Variants in LMO7 observed in about 807,000 individuals in gnomAD.
LMO7 encodes LIM domain only protein 7.
LMO7 carries 120 observed loss-of-function variants against 206.5 expected under a neutral mutation model. The ratio of observed to expected loss-of-function variants is 0.58; its 90% CI spans 0.50 to 0.68. The LOEUF (loss-of-function observed/expected upper bound fraction) is 0.68, where lower values mean the gene tolerates loss of function less well. Among genes scored for constraint, LMO7 ranks in the 30% least tolerant of loss-of-function variants. LMO7 has a pLI of 0.00. For synonymous variants in LMO7, 706 were observed against 681.5 expected (o/e 1.04, Z -0.56); for missense variants, 1,959 against 1,957.9 (o/e 1.00, Z -0.01).
intron 1 of LMO7, among the ~76,000 whole-genome samples, chr13:75,695,432 C>G (rs760741476): frequency 1.3e-5 from 2 of 152,214 alleles, no homozygotes; most frequent in African/African-American, 4.8e-5. Flanking sequence ...CTGCAACCTC[C>G]GCCTCCCGGG....
chr13:75,722,026 C>CCTCAT (rs2138420055), intron 2 of LMO7, among the ~76,000 whole-genome samples: 1 of 152,254 alleles, frequency 6.6e-6, no homozygotes, highest in African/African-American at 2.4e-5. Context: ...GAAACTGGAT[C>CCTCAT]CTCATCTCTC....
At chr13:75,632,986 C>T (rs1207271270), upstream of LMO7, among the ~76,000 whole-genome samples, 4 of 151,198 alleles carry the variant, frequency 2.6e-5, no homozygotes, top group African/African-American at 7.3e-5. Context: ...CTCAGCCTCC[C>T]AAGTAGCTAG....
At position 75,745,243 on chromosome 13, in the gene LMO7, A is replaced by G. The variant is rs138506681; in HGVS notation, c.211-15689A>G. On this transcript the variant is annotated intron_variant, in intron 3 of 30. Coordinates refer to ENST00000377534, the MANE Select transcript of LMO7 (RefSeq NM_001306080.2). ...AAGAAGTAGTCAAGTGAGGCTGTTA[A>G]GGCATCATGGGCTTTGTTGGGTAGG... Among the ~76,000 whole-genome samples, 412 of 152,270 alleles carry G rather than the reference A, an allele frequency of 2.7e-3. 3 individuals are homozygous for G. Among genetic ancestry groups the G allele is most frequent in the African/African-American group, 9.7e-3 (403 of 41,556 alleles).
chr13:75,844,405 T>TTG (rs2059807424), intron 25 of LMO7, among the ~76,000 whole-genome samples: 2 of 150,990 alleles, frequency 1.3e-5, no homozygotes, highest in Non-Finnish European at 3.0e-5. Context: ...TCTTTTTCTT[T>TTG]TGTTTTTTTC....
Position 75,807,638 on chromosome 13 carries a change from C to G in LMO7, c.1355C>G (p.Ala452Gly), listed in dbSNP as rs555723998. 8.1e-6 allele frequency: 13 copies of G among 1,614,004 alleles called. No individual in the cohort carries two copies. The African/African-American group carries it at 1.5e-4, about 18-fold the overall frequency. ...TATAGAAGAGATGACCTCGAGATGG[C>G]AGCCCTGGATCCTGACTTAGAGAAT... Reference protein sequence around the residue: ...PGYRRDDLEMAALDPDLENDD... With the variant: ...PGYRRDDLEMGALDPDLENDD... Residue 452 changes from alanine (A) to glycine (G), a missense_variant, in exon 10 of 31, where the codon GCA becomes GGA. By Grantham distance (60) the Ala-to-Gly change is moderately conservative (BLOSUM62 0). Transcript: ENST00000377534.
chr13:75,742,645 A>T (rs1263829128), intron 3 of LMO7, among the ~76,000 whole-genome samples: 1 of 152,186 alleles, frequency 6.6e-6, no homozygotes, highest in Non-Finnish European at 1.5e-5. Flanking sequence ...TTCAATAAAT[A>T]GTGCTGGTAT....
chr13:75,737,864 A>AC (rs2046071059), intron 3 of LMO7, among the ~76,000 whole-genome samples: 1 of 145,138 alleles, frequency 6.9e-6, no homozygotes, highest in South Asian at 2.2e-4. Flanking sequence ...AAAAAAAAAA[A>AC]CACAGTACAA....
At chr13:75,737,764 A>AAAAAT (rs1482974702) in intron 3 of LMO7, among the ~76,000 whole-genome samples, 1 of 26,758 alleles carries the variant, frequency 3.7e-5, no homozygotes, top group African/African-American at 1.6e-4. Flanking sequence ...AAAAAAAAAA[A>AAAAAT]AATAAAATAA....
chr13:75,809,919 C>T (rs556807573), intron 11 of LMO7, among the ~76,000 whole-genome samples: 4 of 150,728 alleles, frequency 2.7e-5, no homozygotes, highest in African/African-American at 4.9e-5. Context: ...GCAACTTCCA[C>T]CTCCCAGGTT....
intron 7 of LMO7, among the ~76,000 whole-genome samples, chr13:75,802,116 A>G (rs997937249): frequency 1.3e-5 from 2 of 152,238 alleles, no homozygotes; most frequent in African/African-American, 4.8e-5. Flanking sequence ...TCTGATGTGA[A>G]ACTTATATAA....
At chr13:75,676,415 C>T (rs1215531525) in intron 1 of LMO7, among the ~76,000 whole-genome samples, 1 of 152,128 alleles carries the variant, frequency 6.6e-6, no homozygotes, top group Non-Finnish European at 1.5e-5. Flanking sequence ...CACTCCAAGC[C>T]GGCTCCTTTA....
intron 20 of LMO7, among the ~76,000 whole-genome samples, chr13:75,839,521 G>GT (rs753000623): frequency 2.0e-5 from 3 of 152,156 alleles, no homozygotes; most frequent in Admixed American, 1.3e-4. Context: ...GTACCCATAA[G>GT]TTTACATATG....
intron 27 of LMO7, 40 bp from the exon 28 acceptor site, chr13:75,853,052 A>G (rs778963364): frequency 1.4e-6 from 2 of 1,472,212 alleles, no homozygotes; most frequent in East Asian, 4.6e-5. Flanking sequence ...TTCTAGTTGA[A>G]CATGTCACAT....
intron 3 of LMO7, among the ~76,000 whole-genome samples, chr13:75,737,793 A>AC (rs1345630134): frequency 1.6e-5 from 2 of 128,158 alleles, no homozygotes; most frequent in South Asian, 2.6e-4. Context: ...AAAAAAAAAA[A>AC]AAAAAAAACT....
chr13:75,766,674 C>G (rs575452278), intron 4 of LMO7, among the ~76,000 whole-genome samples: 1 of 151,898 alleles, frequency 6.6e-6, no homozygotes, highest in East Asian at 1.9e-4. Context: ...GGAAACTCAT[C>G]TAATTGGAGA....
At chr13:75,696,522 G>A (rs1011195950) in intron 1 of LMO7, among the ~76,000 whole-genome samples, 3 of 152,152 alleles carry the variant, frequency 2.0e-5, no homozygotes, top group African/African-American at 7.2e-5. Flanking sequence ...GGACTTAGTA[G>A]TAGGTCTCTC....
Position 75,840,105 on chromosome 13 carries a change from C to G in LMO7, c.3472C>G (p.Pro1158Ala). Residue 1158 changes from proline (P) to alanine (A), a missense_variant, in exon 21 of 31, where the codon CCT becomes GCT. Coordinates refer to ENST00000377534, the MANE Select transcript of LMO7 (RefSeq NM_001306080.2). ...FEQGSSDSVV[P>A]DLPVPTISAP... ...CACAGGAAGCTCTGATTCGGTGGTT[C>G]CTGATGTAAGTAGCATTCATTTGTC... 1 of 1,613,792 alleles carries G rather than the reference C, an allele frequency of 6.2e-7. No homozygotes were observed. The highest frequency in any genetic ancestry group is 8.5e-7 in the Non-Finnish European group (1 of 1,179,844).
chr13:75,681,530 A>C (rs1427538184), intron 1 of LMO7, among the ~76,000 whole-genome samples: 1 of 151,728 alleles, frequency 6.6e-6, no homozygotes, highest in Non-Finnish European at 1.5e-5. Flanking sequence ...GTCCAACAGA[A>C]TACAGCACTG....
chr13:75,804,487 A>T lies in LMO7; in HGVS notation c.860A>T (p.Asn287Ile). Reference sequence around the variant, plus strand: ...AAAAAGCCAGACAAACATGAGGATAACAGAAGAAGTTGGGCAAGCCCGGTT... The same window carrying T: ...AAAAAGCCAGACAAACATGAGGATATCAGAAGAAGTTGGGCAAGCCCGGTT... ...RKKKPDKHED[N>I]RRSWASPVYT... The change falls in exon 8 of 31, where the codon AAC becomes ATC. Residue 287 changes from asparagine (N) to isoleucine (I), a missense_variant. Asn to Ile is a moderately radical substitution (Grantham distance 149). Transcript: ENST00000377534. 1 of 1,614,184 alleles carries T rather than the reference A, an allele frequency of 6.2e-7. No homozygotes were observed. Among genetic ancestry groups the T allele is most frequent in the Non-Finnish European group, 8.5e-7 (1 of 1,180,010 alleles).
Sources: allele counts gnomAD v4.1 joint callset (sites outside exome capture counted in the v4.1 genomes callset), GRCh38; gene constraint gnomAD v4.1.1; transcripts MANE v1.5; gene names NCBI Gene and HGNC (gene_info 2026-07-23, HGNC 2026-07-21).